The following DNAAF5 variants were observed in gnomAD, a reference collection of about 807,000 sequenced individuals.
DNAAF5 encodes the protein HEAT repeat containing 2.
In DNAAF5, 64 loss-of-function variants were observed where a neutral mutation model predicts 75.8. That is an observed-to-expected ratio of 0.84 (90% CI 0.69 to 1.04). The LOEUF (loss-of-function observed/expected upper bound fraction) is 1.04, where lower values mean the gene tolerates loss of function less well. Among genes scored for constraint, DNAAF5 ranks in the 50% least tolerant of loss-of-function variants. The pLI, the probability that DNAAF5 is intolerant of heterozygous loss-of-function variation, is 0.00. For missense variants in DNAAF5, 1,269 were observed against 1,178.5 expected, an observed-to-expected ratio of 1.08 and a Z score of -1.12; for synonymous variants, 657 against 557.2, an observed-to-expected ratio of 1.18 and a Z score of -2.52.
intron 8 of DNAAF5, among the ~76,000 whole-genome samples, chr7:766,423 C>G (rs925059579): frequency 2.6e-5 from 4 of 151,972 alleles, no homozygotes; most frequent in Admixed American, 2.0e-4. Flanking sequence ...TGGGAAGATA[C>G]CTTTTAAATT....
rs910662785 is a variant in DNAAF5 at position 746,951 on chromosome 7, A to C, written c.1024+5486A>C. 7.2e-5 allele frequency among the ~76,000 whole-genome samples: 11 copies of C among 152,282 alleles called. No individual in the cohort carries two copies. In the East Asian group the frequency reaches 2.1e-3, roughly 29 times the overall value. ...TCTTTCCTCTCTGTGTCGGAGGCTC[A>C]TGCATGGCACCTGTGTCTGCAGCAC... On this transcript the variant is annotated intron_variant, in intron 4 of 12. Transcript: ENST00000297440.
chr7:769,115 G>C (rs745707209), intron 8 of DNAAF5: 22 of 758,866 alleles, frequency 2.9e-5, no homozygotes, highest in African/African-American at 5.1e-5. Context: ...GCAGGTGCGG[G>C]GGTCTCAGTC....
At chr7:745,705 A>ACATGCATATCACACGTACGTGTGTG (rs1782076925) in intron 4 of DNAAF5, among the ~76,000 whole-genome samples, 1 of 152,242 alleles carries the variant, frequency 6.6e-6, no homozygotes, top group South Asian at 2.1e-4. Flanking sequence ...ACACGTGTGT[A>ACATGCATATCACACGTACGTGTGTG]CATGCATATC....
intron 11 of DNAAF5, among the ~76,000 whole-genome samples, chr7:775,824 G>A (rs62432891): frequency 2.2e-4 from 33 of 151,912 alleles, no homozygotes; most frequent in Non-Finnish European, 4.1e-4. Context: ...AGGAAGCGTC[G>A]TGTGGATGTT....
chr7:774,182 T>G lies in DNAAF5; in HGVS notation c.2066T>G (p.Val689Gly). 1 of 1,608,840 alleles carries G rather than the reference T, an allele frequency of 6.2e-7. No homozygotes were observed. Among genetic ancestry groups the G allele is most frequent in the Non-Finnish European group, 8.5e-7 (1 of 1,179,374 alleles). ...CTCTGGGCGCTCACCAGCAGCGAGG[T>G]CCTGTCGGCAGAGCAGGTACGGGGC... ...SCLWALTSSEVLSAEQIRDVQ... is the reference protein window; with the variant it reads ...SCLWALTSSEGLSAEQIRDVQ... The change falls in exon 10 of 13, where the codon GTC (valine) becomes GGC (glycine). Residue 689 changes from valine (V) to glycine (G), a missense_variant. By Grantham distance (109) the Val-to-Gly change is moderately radical. Coordinates refer to ENST00000297440, the MANE Select transcript of DNAAF5 (RefSeq NM_017802.4).
intron 4 of DNAAF5, among the ~76,000 whole-genome samples, chr7:742,162 G>A (rs770760210): frequency 2.0e-5 from 3 of 152,172 alleles, no homozygotes; most frequent in South Asian, 2.1e-4. Context: ...CTCCTCTCGC[G>A]GGGCTGAGTG....
rs1490963649 is a variant in DNAAF5, at chr7:754,877, C to A, written c.1257+56C>A. On this transcript the variant is annotated intron_variant, in intron 5 of 12. Coordinates refer to ENST00000297440, the MANE Select transcript of DNAAF5 (RefSeq NM_017802.4). The surrounding 1 kb of genome is among the most constrained non-coding windows in gnomAD (Gnocchi z 4.8). ...GAGCTGTAACTCGAGCTTAAGATCCCGCCTCTGTGGTGTGCGGGGCCCGAG... is the reference window on the plus strand; with the variant it reads ...GAGCTGTAACTCGAGCTTAAGATCCAGCCTCTGTGGTGTGCGGGGCCCGAG... 2.9e-6 allele frequency: 4 copies of A among 1,356,414 alleles called. No homozygotes were observed. Among genetic ancestry groups the A allele is most frequent in the East Asian group, 2.5e-5 (1 of 40,166 alleles). 84.0% of individuals were successfully genotyped at this position (1,356,414 alleles called of 1,614,324 possible).
intron 12 of DNAAF5, among the ~76,000 whole-genome samples, chr7:783,958 C>T (rs905188306): frequency 2.0e-5 from 3 of 151,908 alleles, no homozygotes; most frequent in African/African-American, 4.8e-5. Flanking sequence ...CCCCACTGCA[C>T]GGTACAGGCC....
At chr7:732,760 C>G (rs1459436407) in intron 2 of DNAAF5, among the ~76,000 whole-genome samples, 3 of 152,130 alleles carry the variant, frequency 2.0e-5, no homozygotes, top group Non-Finnish European at 4.4e-5. Flanking sequence ...GGTATTTGTG[C>G]AGCTGTTTGC....
In DNAAF5 at chr7:756,983, G is replaced by C; in HGVS notation, c.1459G>C (p.Ala487Pro). The change falls in exon 6 of 13, where the codon GCA (alanine) becomes CCA (proline). Residue 487 changes from alanine (A) to proline (P), a missense_variant. Transcript: ENST00000297440. ...GCTGGCACAGGCCCACATCTGCCAG[G>C]CATCTGAAAACGTAAGAGCACTTGG... The part of the protein sequence containing the change: ...TELAQAHICQ[A>P]SENDLYLERL... 1.2e-6 allele frequency: 2 copies of C among 1,603,510 alleles called. No individual in the cohort carries two copies. Among genetic ancestry groups the C allele is most frequent in the Non-Finnish European group, 1.7e-6 (2 of 1,179,710 alleles).
intron 11 of DNAAF5, among the ~76,000 whole-genome samples, chr7:777,409 A>G (rs574781835): frequency 1.3e-5 from 2 of 152,324 alleles, no homozygotes; most frequent in South Asian, 4.1e-4. Flanking sequence ...TCAAAAAGCT[A>G]AAAGAACAAC....
At position 727,322 on chromosome 7, in the gene DNAAF5, AC is replaced by A. The variant is rs1384636647; in HGVS notation, c.595+11del. The A allele has an allele frequency of 8.0e-7, 1 of 1,255,928 alleles. No individual in the cohort carries two copies. The highest frequency in any genetic ancestry group is 3.4e-5 in the East Asian group (1 of 29,590). The allele number at this position is 1,255,928 out of a possible 1,614,324, so 77.8% of individuals were successfully genotyped here. A position where few individuals can be genotyped will look rare whatever the true frequency, so the allele number is the denominator to read the frequency against. ...CTGGCGCAGGCCACGCCCGGTGAGC[AC>A]CCCGGGCCCCGCTCCCACACGCCAC... is the stretch of plus-strand genomic sequence containing the variant. On this transcript the variant is annotated splice_region_variant and intron_variant, in intron 1 of 12. Transcript: ENST00000297440.
rs1170154866 is a variant in DNAAF5, at chr7:745,604, CAT to C, written c.1024+4141_1024+4142del. 1.1e-4 allele frequency among the ~76,000 whole-genome samples: 16 copies of C among 152,334 alleles called. 1 individual carries two copies. In the South Asian group the frequency reaches 1.2e-3, roughly 12 times the overall value. ...ATATACACATCTGCACACGTATACA[CAT>C]ACACACCTGTGCACACACGTGTACA... On this transcript the variant is annotated intron_variant, in intron 4 of 12. Coordinates refer to ENST00000297440, the MANE Select transcript of DNAAF5 (RefSeq NM_017802.4).
intron 4 of DNAAF5, among the ~76,000 whole-genome samples, chr7:753,728 C>T (rs1296436540): frequency 2.1e-5 from 3 of 142,588 alleles, no homozygotes; most frequent in African/African-American, 8.1e-5. Context: ...ATGGGGACGG[C>T]TTCGCAGGCG....
intron 2 of DNAAF5, among the ~76,000 whole-genome samples, 166 bp from the exon 3 acceptor site, chr7:740,653 G>A (rs575890931): frequency 3.2e-4 from 48 of 152,324 alleles, no homozygotes; most frequent in South Asian, 8.3e-4. Flanking sequence ...CCGGCCACGC[G>A]CCTCTGTCTT....
intron 3 of DNAAF5, 116 bp from the exon 4 acceptor site, chr7:741,231 G>A (rs1003083830): frequency 1.9e-5 from 15 of 786,576 alleles, no homozygotes; most frequent in Non-Finnish European, 3.1e-5. Context: ...CTGGGGTTGG[G>A]GAGCTTCCCG....
Position 770,478 on chromosome 7 carries a change from C to G in DNAAF5, c.1791C>G (p.Ala597=), listed in dbSNP as rs763985265. 5 of 1,613,352 alleles carry G rather than the reference C, an allele frequency of 3.1e-6. No homozygotes were observed. In the South Asian group the frequency reaches 5.5e-5, roughly 18 times the overall value. The change falls in exon 9 of 13, where the codon GCC becomes GCG. Residue 597 remains alanine, a synonymous_variant. Coordinates refer to ENST00000297440, the MANE Select transcript of DNAAF5 (RefSeq NM_017802.4). ...CTCTGTTGTGTCTTACAGGCCCTGC[C>G]CTGGGAGAAGCCCTGCCACACGTCG... ...FSVIVAQSGP[A]LGEALPHVVP...
At chr7:773,745 G>A (rs1457758219) in intron 9 of DNAAF5, among the ~76,000 whole-genome samples, 2 of 152,152 alleles carry the variant, frequency 1.3e-5, no homozygotes, top group Admixed American at 1.3e-4. Context: ...TAGGAGCGGC[G>A]AGGGGCTGAA....
chr7:785,606 T>C lies in DNAAF5; in HGVS notation c.2521T>C (p.Cys841Arg), dbSNP rs751372879. The C allele has an allele frequency of 5.6e-6, 9 of 1,613,072 alleles. No homozygotes were observed. In the Admixed American group the frequency reaches 1.3e-4, roughly 24 times the overall value. The stretch of plus-strand genomic sequence containing the variant: ...CCACAAGCACCGCTCGGCCACCTAC[T>C]GCGAGCAGCTCCTGCAGCATGTGCA... ...VIHKHRSATY[C>R]EQLLQHVQAV... Residue 841 changes from cysteine to arginine, a missense_variant, in exon 13 of 13, where the codon TGC becomes CGC. Transcript: ENST00000297440.
Sources: gnomAD v4.1 joint callset for allele counts (sites outside exome capture counted in the v4.1 genomes callset) on GRCh38, gnomAD v4.1.1 for gene constraint, Gnocchi (gnomAD v3.1) non-coding constraint, MANE v1.5 for transcripts, NCBI Gene and HGNC (gene_info 2026-07-23, HGNC 2026-07-21) for gene names.